SYT17: variants seen among roughly 807,000 people sequenced by gnomAD.
The protein encoded by SYT17 is synaptotagmin 17.
SYT17 carries 22 observed loss-of-function variants against 46.7 expected under a neutral mutation model. That is an observed-to-expected ratio of 0.47 (90% CI 0.34 to 0.67). The LOEUF (loss-of-function observed/expected upper bound fraction) is 0.67. Ranked by LOEUF, SYT17 falls within the 30% of genes least tolerant of loss-of-function variation. The pLI is 0.01. For missense variants in SYT17, 519 were observed against 612.8 expected (o/e 0.85, Z 1.62); for synonymous variants, 251 against 248.4 (o/e 1.01, Z -0.10).
rs146457941 is a variant in SYT17, at chr16:19,266,538, G to C, written c.1229-342G>C. 3.2e-4 allele frequency among the ~76,000 whole-genome samples: 48 copies of C among 152,338 alleles called. 2 individuals are homozygous for C. In the East Asian group the frequency reaches 8.7e-3, roughly 28 times the overall value. On this transcript the variant is annotated intron_variant, in intron 7 of 7. Transcript: ENST00000355377. ...CCACTTACAGAGCTCTATATGCAGTGTGGTGATGCCGTGGGACATACGTTT... is the reference window on the plus strand; with the variant it reads ...CCACTTACAGAGCTCTATATGCAGTCTGGTGATGCCGTGGGACATACGTTT...
rs537180907 is a variant in SYT17 at position 19,170,128 on chromosome 16, T to C, written c.15+1467T>C. 1.8e-4 allele frequency: 27 copies of C among 152,096 alleles called. 1 individual carries two copies. The highest frequency in any genetic ancestry group is 5.1e-4 in the African/African-American group (21 of 41,492). The allele number at this position is 152,096 out of a possible 1,614,324, so 9.4% of individuals were successfully genotyped here. A position where few individuals can be genotyped will look rare whatever the true frequency, so the allele number is the denominator to read the frequency against. Reference sequence around the variant, plus strand: ...TTGTCCTGTAAAGTGCCAGATACTATTTTTTTTCTCTTGGAGGCTCACATG... The same window carrying C: ...TTGTCCTGTAAAGTGCCAGATACTACTTTTTTTCTCTTGGAGGCTCACATG... On this transcript the variant is annotated intron_variant, in intron 1 of 7. Transcript: ENST00000355377.
chr16:19,173,030 G>T lies in SYT17; in HGVS notation c.33+253G>T, dbSNP rs535982638. 29 of 580,984 alleles carry T rather than the reference G, an allele frequency of 5.0e-5. No homozygotes were observed. The South Asian group carries it at 6.8e-4, about 14-fold the overall frequency. 36.0% of individuals were successfully genotyped at this position (580,984 alleles called of 1,614,324 possible). ...ATCTCTGTCTGTTTCATGTCACCGA[G>T]ATTTTTTAAAAATATTTTTTCCCCT... On this transcript the variant is annotated intron_variant, in intron 2 of 7. Transcript: ENST00000355377.
chr16:19,170,326 T>C (rs1158005160), intron 1 of SYT17: 1 of 152,152 alleles, frequency 6.6e-6, no homozygotes, highest in African/African-American at 2.4e-5. Context: ...TTTCAACCTT[T>C]TAAAAACTCA....
intron 7 of SYT17, among the ~76,000 whole-genome samples, chr16:19,244,877 A>T (rs1967418330): frequency 6.6e-6 from 1 of 152,166 alleles, no homozygotes; most frequent in Admixed American, 6.5e-5. Flanking sequence ...TTCTATTCAT[A>T]TTCTACTGGC....
intron 5 of SYT17, among the ~76,000 whole-genome samples, chr16:19,207,281 C>T (rs548557870): frequency 7.8e-4 from 119 of 152,270 alleles, no homozygotes; most frequent in African/African-American, 2.9e-3. Flanking sequence ...TACCCAGCCT[C>T]AGTTATTCTT....
chr16:19,263,357 A>G (rs1218022462), intron 7 of SYT17, among the ~76,000 whole-genome samples: 1 of 152,118 alleles, frequency 6.6e-6, no homozygotes, highest in African/African-American at 2.4e-5. Flanking sequence ...AACTTGGTAC[A>G]TAGGCCAGCC....
Position 19,173,211 on chromosome 16 carries a change from G to A in SYT17, c.34-219G>A, listed in dbSNP as rs1193953120. On this transcript the variant is annotated intron_variant, in intron 2 of 7. Coordinates refer to ENST00000355377, the MANE Select transcript of SYT17 (RefSeq NM_016524.4). ...TTTGCTTGCTACTAACGGCTCCAGC[G>A]AGTTGATGTTTGCTATCTTTGTGCC... 35 of 559,802 alleles carry A rather than the reference G, an allele frequency of 6.3e-5. No individual in the cohort carries two copies. The South Asian group carries it at 7.2e-4, about 12-fold the overall frequency. 34.7% of individuals were successfully genotyped at this position (559,802 alleles called of 1,614,324 possible). A position where few individuals can be genotyped will look rare whatever the true frequency, so the allele number is the denominator to read the frequency against.
At chr16:19,213,160 G>A (rs186589122) in intron 5 of SYT17, among the ~76,000 whole-genome samples, 1 of 152,172 alleles carries the variant, frequency 6.6e-6, no homozygotes, top group Non-Finnish European at 1.5e-5. Flanking sequence ...TTCCCAGTAA[G>A]GCAAAATTTA....
At chr16:19,172,162 C>A in intron 1 of SYT17, 1 of 200,544 alleles carries the variant, frequency 5.0e-6, no homozygotes, top group Non-Finnish European at 9.4e-6. Flanking sequence ...GATGGGGAGG[C>A]GGGGTGGGGC....
intron 5 of SYT17, among the ~76,000 whole-genome samples, chr16:19,200,203 A>G (rs1965406667): frequency 6.6e-6 from 1 of 152,258 alleles, no homozygotes; most frequent in South Asian, 2.1e-4. Context: ...TTCTCTCTAG[A>G]GCAGTGCAGC....
At chr16:19,196,438 T>C (rs957719891) in intron 5 of SYT17, among the ~76,000 whole-genome samples, 1 of 152,124 alleles carries the variant, frequency 6.6e-6, no homozygotes, top group Non-Finnish European at 1.5e-5. Flanking sequence ...AGACAAGGTT[T>C]CACCATGTTG....
intron 5 of SYT17, among the ~76,000 whole-genome samples, chr16:19,197,488 G>T (rs1965298657): frequency 6.6e-6 from 1 of 151,496 alleles, no homozygotes; most frequent in South Asian, 2.1e-4. Flanking sequence ...TCACTCTGTT[G>T]CCCAGAATGG....
chr16:19,259,483 C>T (rs775873847), intron 7 of SYT17, among the ~76,000 whole-genome samples: 4 of 152,126 alleles, frequency 2.6e-5, no homozygotes, highest in Non-Finnish European at 5.9e-5. Flanking sequence ...CAAATGGTTC[C>T]ATTCTATTGT....
intron 7 of SYT17, among the ~76,000 whole-genome samples, chr16:19,247,071 A>G (rs1432658967): frequency 6.6e-6 from 1 of 152,208 alleles, no homozygotes; most frequent in Non-Finnish European, 1.5e-5. Context: ...GAGATATACC[A>G]TGTGGACGTT....
intron 7 of SYT17, among the ~76,000 whole-genome samples, chr16:19,266,582 C>T (rs143027823): frequency 2.6e-5 from 4 of 152,152 alleles, no homozygotes; most frequent in East Asian, 1.9e-4. Flanking sequence ...ATATTGCAGG[C>T]GGTGCAGCTG....
intron 7 of SYT17, among the ~76,000 whole-genome samples, chr16:19,254,105 G>T (rs1968387805): frequency 6.6e-6 from 1 of 152,120 alleles, no homozygotes. Context: ...TGCATGTAGA[G>T]GTCCCAATCT....
At chr16:19,248,844 A>G (rs976940022) in intron 7 of SYT17, among the ~76,000 whole-genome samples, 1 of 152,042 alleles carries the variant, frequency 6.6e-6, no homozygotes, top group African/African-American at 2.4e-5. Context: ...AACAAAAAGA[A>G]TATTACTCAG....
intron 7 of SYT17, among the ~76,000 whole-genome samples, chr16:19,265,671 T>C (rs1969307796): frequency 6.6e-6 from 1 of 152,380 alleles, no homozygotes. Context: ...TTTCCCATTC[T>C]GTAGCCCTTC....
chr16:19,223,524 C>T (rs1448460429), intron 6 of SYT17, among the ~76,000 whole-genome samples: 1 of 152,150 alleles, frequency 6.6e-6, no homozygotes, highest in South Asian at 2.1e-4. Context: ...TTCATGTGTG[C>T]CATAAATTTT....
Sources: gnomAD v4.1 joint callset for allele counts (sites outside exome capture counted in the v4.1 genomes callset) on GRCh38, gnomAD v4.1.1 for gene constraint, MANE v1.5 for transcripts, NCBI Gene and HGNC (gene_info 2026-07-23, HGNC 2026-07-21) for gene names.